The following STK32A variants were observed in gnomAD, a reference collection of about 807,000 sequenced individuals.
STK32A encodes the protein serine/threonine kinase 32A, also known as serine/threonine-protein kinase 32A.
STK32A carries 41 observed loss-of-function variants against 53.2 expected under a neutral mutation model. That is an observed-to-expected ratio of 0.77 (90% CI 0.60 to 1.00). The LOEUF is 1.00. STK32A is among the 50% of genes least tolerant of loss of function. STK32A has a pLI of 0.00. For synonymous variants in STK32A, 166 were observed against 162.8 expected (o/e 1.02, Z -0.15); for missense variants, 458 against 485.8 (o/e 0.94, Z 0.54).
At chr5:147,247,986 T>TG (rs936631554) in intron 2 of STK32A, among the ~76,000 whole-genome samples, 1 of 151,954 alleles carries the variant, frequency 6.6e-6, no homozygotes, top group Admixed American at 6.6e-5. Flanking sequence ...CTGGGTGTGG[T>TG]GGGGCCTACC....
intron 2 of STK32A, among the ~76,000 whole-genome samples, chr5:147,261,447 T>A (rs1754567485): frequency 6.6e-6 from 1 of 152,082 alleles, no homozygotes; most frequent in Non-Finnish European, 1.5e-5. Context: ...GATTGGCTAA[T>A]TTAAAGAGAA....
chr5:147,259,169 C>A (rs371760550), intron 2 of STK32A, among the ~76,000 whole-genome samples: 1 of 152,264 alleles, frequency 6.6e-6, no homozygotes. Context: ...AATGTTAAAT[C>A]ATCTTTTTCT....
chr5:147,237,384 C>T (rs1753369243), intron 1 of STK32A, among the ~76,000 whole-genome samples: 1 of 152,116 alleles, frequency 6.6e-6, no homozygotes, highest in Non-Finnish European at 1.5e-5. Context: ...TCAGTCCTTA[C>T]ACTATCCCTC....
chr5:147,327,099 G>T (rs1349012177), intron 5 of STK32A, among the ~76,000 whole-genome samples: 1 of 152,100 alleles, frequency 6.6e-6, no homozygotes, highest in Non-Finnish European at 1.5e-5. Flanking sequence ...AATTTGAAAT[G>T]GTGTCAAATA....
intron 6 of STK32A, among the ~76,000 whole-genome samples, chr5:147,345,962 T>G (rs1426215181): frequency 6.6e-6 from 1 of 152,236 alleles, no homozygotes; most frequent in Admixed American, 6.5e-5. Context: ...CAAAAAAGAC[T>G]GAGAGCCATT....
At chr5:147,332,294 T>C (rs748275296) in intron 5 of STK32A, among the ~76,000 whole-genome samples, 3 of 152,094 alleles carry the variant, frequency 2.0e-5, no homozygotes, top group Non-Finnish European at 4.4e-5. Flanking sequence ...CCAGAGACTG[T>C]CTTTGCTTAC....
intron 4 of STK32A, among the ~76,000 whole-genome samples, chr5:147,313,035 T>C (rs1316636463): frequency 7.6e-6 from 1 of 131,050 alleles, no homozygotes; most frequent in Non-Finnish European, 1.5e-5. Context: ...GAGGCCAGCC[T>C]GGGCAACATA....
intron 4 of STK32A, among the ~76,000 whole-genome samples, chr5:147,311,048 C>T (rs940816893): frequency 1.3e-5 from 2 of 152,066 alleles, no homozygotes; most frequent in East Asian, 1.9e-4. Flanking sequence ...AAAAATCACC[C>T]CCCATCTTTT....
At chr5:147,390,745 G>A (rs2152011895), downstream of STK32A, 1 of 152,476 alleles carries the variant, frequency 6.6e-6, no homozygotes, top group East Asian at 1.9e-4. Context: ...CAGTTCTACT[G>A]GGCAATTTTA....
chr5:147,246,509 G>A (rs1207321694), intron 2 of STK32A, among the ~76,000 whole-genome samples: 1 of 152,158 alleles, frequency 6.6e-6, no homozygotes, highest in African/African-American at 2.4e-5. Flanking sequence ...TCAGTCTTCT[G>A]CTATTTTTAA....
At chr5:147,264,512 A>G (rs1217012705) in intron 2 of STK32A, among the ~76,000 whole-genome samples, 1 of 152,240 alleles carries the variant, frequency 6.6e-6, no homozygotes, top group Non-Finnish European at 1.5e-5. Context: ...AAAGCCAAAA[A>G]TTGTGCAAGA....
intron 2 of STK32A, among the ~76,000 whole-genome samples, chr5:147,276,790 G>A (rs1019283549): frequency 1.3e-5 from 2 of 152,170 alleles, no homozygotes; most frequent in African/African-American, 2.4e-5. Flanking sequence ...AACAGCTTTA[G>A]TAGTGCTTTC....
Position 147,365,947 on chromosome 5 carries a change from T to C in STK32A, c.660+4333T>C, listed in dbSNP as rs1026673758. Among the ~76,000 whole-genome samples the C allele has an allele frequency of 5.5e-4, 83 of 152,196 alleles. 3 individuals carry two copies. Among genetic ancestry groups the C allele is most frequent in the Admixed American group, 5.3e-3 (81 of 15,270 alleles). Reference sequence around the variant, plus strand: ...TATGCTAGTTCCCTGTGATTTGATATGTCAACTTTGACAAATTCATTTTTC... The same window carrying C: ...TATGCTAGTTCCCTGTGATTTGATACGTCAACTTTGACAAATTCATTTTTC... On this transcript the variant is annotated intron_variant, in intron 8 of 12. Coordinates refer to ENST00000397936, the MANE Select transcript of STK32A (RefSeq NM_001112724.2).
intron 11 of STK32A, 193 bp from the exon 12 acceptor site, chr5:147,383,248 G>A: frequency 1.6e-6 from 1 of 616,336 alleles, no homozygotes. Flanking sequence ...TAGGAGGGGA[G>A]ACAGATTCCT....
intron 4 of STK32A, among the ~76,000 whole-genome samples, chr5:147,290,057 G>A (rs1304088639): frequency 6.6e-6 from 1 of 152,090 alleles, no homozygotes; most frequent in Non-Finnish European, 1.5e-5. Context: ...TATGCATGTT[G>A]TACTTTTATT....
the STK32A span, among the ~76,000 whole-genome samples, chr5:147,394,468 C>G: frequency 6.6e-6 from 1 of 152,144 alleles, no homozygotes; most frequent in Non-Finnish European, 1.5e-5. Context: ...TCCTCACCAC[C>G]ATGGTTTGAG....
chr5:147,329,574 T>C (rs1273096937), intron 5 of STK32A, among the ~76,000 whole-genome samples: 1 of 152,252 alleles, frequency 6.6e-6, no homozygotes, highest in Non-Finnish European at 1.5e-5. Flanking sequence ...TTGTGGCATG[T>C]GCCATAAAGA....
intron 4 of STK32A, among the ~76,000 whole-genome samples, chr5:147,303,484 A>G (rs998693317): frequency 1.3e-5 from 2 of 152,066 alleles, no homozygotes; most frequent in African/African-American, 2.4e-5. Context: ...CCACAGTCAC[A>G]TTTTCTATCC....
intron 4 of STK32A, among the ~76,000 whole-genome samples, chr5:147,294,097 C>T (rs1197186858): frequency 6.6e-6 from 1 of 152,166 alleles, no homozygotes; most frequent in African/African-American, 2.4e-5. Context: ...AAAAGAGGGG[C>T]CCAGACTCTG....
Sources: allele counts gnomAD v4.1 joint callset (sites outside exome capture counted in the v4.1 genomes callset), GRCh38; gene constraint gnomAD v4.1.1; transcripts MANE v1.5; gene names NCBI Gene and HGNC (gene_info 2026-07-23, HGNC 2026-07-21).